The following AP3D1 variants were observed in gnomAD, a reference collection of about 807,000 sequenced individuals.
AP3D1 encodes the protein adaptor related protein complex 3 subunit delta 1, also known as AP-3 complex subunit delta-1.
AP3D1 carries 51 observed loss-of-function variants against 147.6 expected under a neutral mutation model. The observed-to-expected ratio is 0.35, with a 90% CI of 0.28 to 0.44. The LOEUF is 0.44. Among genes scored for constraint, AP3D1 ranks in the 20% least tolerant of loss-of-function variants. AP3D1 has a pLI of 1.00. For missense variants in AP3D1, 1,421 were observed against 1,624.2 expected, an observed-to-expected ratio of 0.87 and a Z score of 2.15; for synonymous variants, 760 against 663.0, an observed-to-expected ratio of 1.15 and a Z score of -2.25.
chr19:2,110,645 T>TCAC, intron 27 of AP3D1, 62 bp downstream of exon 27: 1 of 1,470,224 alleles, frequency 6.8e-7, no homozygotes, highest in Non-Finnish European at 9.1e-7. Flanking sequence ...ATCCGGGCAG[T>TCAC]CACCAGCTGC....
At chr19:2,108,788 T>C (rs1599439591) in intron 30 of AP3D1, 22 bp from the exon 31 acceptor site, 1 of 1,554,972 alleles carries the variant, frequency 6.4e-7, no homozygotes, top group Non-Finnish European at 8.7e-7. Flanking sequence ...CGGGCAGTGT[T>C]AGGCTTCCCG....
At chr19:2,144,074 G>A (rs1173184224) in intron 1 of AP3D1, among the ~76,000 whole-genome samples, 3 of 140,004 alleles carry the variant, frequency 2.1e-5, no homozygotes, top group Admixed American at 7.4e-5. Context: ...CAACAAGAGT[G>A]AAACTCCGTC....
rs531700371 is a variant in AP3D1, at chr19:2,146,007, TGGGAGAAGCTCTGTG to T, written c.96+5217_96+5231del. ...AGGCTGCGGCTTTCATGCTTGCTGC[TGGGAGAAGCTCTGTG>T]GGGAGCGGGCGCTTTCCTGAGGGCC... On this transcript the variant is annotated intron_variant, in intron 1 of 31. Coordinates refer to ENST00000643116, the MANE Select transcript of AP3D1 (RefSeq NM_001261826.3). Among the ~76,000 whole-genome samples, 762 of 152,252 alleles carry T rather than the reference TGGGAGAAGCTCTGTG, an allele frequency of 5.0e-3. 5 individuals carry two copies. Among genetic ancestry groups the T allele is most frequent in the African/African-American group, 0.017 (719 of 41,546 alleles).
At chr19:2,120,820 G>A (rs1331735265) in intron 14 of AP3D1, 42 bp downstream of exon 14, 8 of 1,575,654 alleles carry the variant, frequency 5.1e-6, no homozygotes, top group South Asian at 1.1e-5. Context: ...CCCCTCAGAA[G>A]CTTGGAGAAG....
intron 31 of AP3D1, among the ~76,000 whole-genome samples, chr19:2,107,612 T>C (rs1335171625): frequency 2.6e-5 from 4 of 151,354 alleles, no homozygotes; most frequent in African/African-American, 9.7e-5. Flanking sequence ...TGGTGGCAGG[T>C]GCTTGTAGTC....
Position 2,121,041 on chromosome 19 carries a change from G to C in AP3D1, c.1302C>G (p.Gly434=). ...ELTRLEGTRH[G]HLIAAQMLDV... ...CCAGCATTTGGGCGGCGATGAGGTG[G>C]CCGTGCCGTGTGCCCTCCAGCCGGG... The change falls in exon 14 of 32, where the codon GGC becomes GGG. Residue 434 remains glycine (G), a synonymous_variant. Transcript: ENST00000643116. The C allele has an allele frequency of 6.2e-7, 1 of 1,612,828 alleles. No homozygotes were observed. The highest frequency in any genetic ancestry group is 8.5e-7 in the Non-Finnish European group (1 of 1,179,956).
At chr19:2,116,527 G>T in intron 17 of AP3D1, 78 bp downstream of exon 17, 1 of 1,458,798 alleles carries the variant, frequency 6.9e-7, no homozygotes, top group East Asian at 2.4e-5. Context: ...GACCCACAGA[G>T]GCCGCTGACC....
upstream of AP3D1, chr19:2,164,504 A>C: frequency 3.3e-6 from 1 of 300,296 alleles, no homozygotes; most frequent in Non-Finnish European, 6.1e-6. Flanking sequence ...CCCGAGCCCT[A>C]CCGCGGTGCC....
chr19:2,111,368 C>T, intron 25 of AP3D1, 36 bp from the exon 26 acceptor site: 1 of 1,612,958 alleles, frequency 6.2e-7, no homozygotes, highest in South Asian at 1.1e-5. Flanking sequence ...CTTGGGGGCC[C>T]CGAGCTCCGT....
chr19:2,155,091 G>T (rs2019634212), upstream of AP3D1, among the ~76,000 whole-genome samples: 1 of 152,174 alleles, frequency 6.6e-6, no homozygotes, highest in African/African-American at 2.4e-5. Flanking sequence ...TGAGGCAGGA[G>T]AATTGCTTGA....
At chr19:2,118,875 G>A (rs772660879) in intron 14 of AP3D1, 43 bp from the exon 15 acceptor site, 112 of 1,573,788 alleles carry the variant, frequency 7.1e-5, no homozygotes, top group Admixed American at 1.9e-4. Context: ...TGCCAATCCC[G>A]GGGCTCCTCT....
chr19:2,121,707 G>A, intron 12 of AP3D1, 27 bp downstream of exon 12: 2 of 1,549,272 alleles, frequency 1.3e-6, no homozygotes, highest in Non-Finnish European at 1.7e-6. Flanking sequence ...AGGCCAGGCG[G>A]GCGGGCGGCG....
intron 1 of AP3D1, among the ~76,000 whole-genome samples, chr19:2,148,356 G>C (rs1253218806): frequency 6.6e-6 from 1 of 152,072 alleles, no homozygotes; most frequent in African/African-American, 2.4e-5. Flanking sequence ...AATAGGTTTT[G>C]CATGGGAACC....
Position 2,102,147 on chromosome 19 carries a change from G to C in AP3D1, c.*26C>G. The C allele has an allele frequency of 6.3e-7, 1 of 1,584,828 alleles. No homozygotes were observed. The highest frequency in any genetic ancestry group is 1.7e-5 in the Admixed American group (1 of 59,942). ...CGGTCCCTGGGTACGTGCTCCGCGG[G>C]GTGGTGCGGGGCTCGCAGGCAGCTC... is the stretch of plus-strand genomic sequence containing the variant. On this transcript the variant is annotated 3_prime_UTR_variant, in exon 32 of 32. Transcript: ENST00000643116.
chr19:2,154,379 A>G (rs1466425518), upstream of AP3D1, among the ~76,000 whole-genome samples: 1 of 150,536 alleles, frequency 6.6e-6, no homozygotes, highest in Non-Finnish European at 1.5e-5. Flanking sequence ...TCCCTAGTTC[A>G]AGCGATTCTC....
At chr19:2,115,097 G>C in intron 20 of AP3D1, 122 bp downstream of exon 20, 1 of 1,059,014 alleles carries the variant, frequency 9.4e-7, no homozygotes. Context: ...TATGCTCTCC[G>C]GGGTGGGGCC....
intron 1 of AP3D1, among the ~76,000 whole-genome samples, chr19:2,163,059 AAATTAATTAATT>A (rs952011488): frequency 6.8e-6 from 1 of 146,954 alleles, no homozygotes; most frequent in Non-Finnish European, 1.6e-5. Flanking sequence ...TAGTTTAATT[AAATTAATTAATT>A]AATTAATTAA....
chr19:2,118,160 G>A (rs527604577), intron 15 of AP3D1, among the ~76,000 whole-genome samples: 9 of 152,108 alleles, frequency 5.9e-5, no homozygotes, highest in African/African-American at 1.9e-4. Context: ...ACTCCATCTC[G>A]AAAAATCAAA....
Position 2,131,881 on chromosome 19 carries a change from C to G in AP3D1, c.462+590G>C, listed in dbSNP as rs187406577. 1.4e-4 allele frequency among the ~76,000 whole-genome samples: 19 copies of G among 140,430 alleles called. 3 individuals are homozygous for G. The highest frequency in any genetic ancestry group is 5.8e-4 in the African/African-American group (18 of 31,282). The allele number at this position is 140,430 out of a possible 152,430, so 92.1% of individuals were successfully genotyped here. A position where few individuals can be genotyped will look rare whatever the true frequency, so the allele number is the denominator to read the frequency against. ...CGGCCACGATCTAGACACCTCCGGG[C>G]GGACAGGCAGCCATGTGAGGACAGT... On this transcript the variant is annotated intron_variant, in intron 5 of 31. Transcript: ENST00000643116.
Sources: allele counts gnomAD v4.1 joint callset (sites outside exome capture counted in the v4.1 genomes callset), GRCh38; gene constraint gnomAD v4.1.1; transcripts MANE v1.5; gene names NCBI Gene and HGNC (gene_info 2026-07-23, HGNC 2026-07-21).